The following NCLN variants were observed in gnomAD, a reference collection of about 807,000 sequenced individuals.
NCLN encodes BOS complex subunit NCLN.
Under a neutral mutation model 69.5 loss-of-function variants are expected in NCLN, and 34 were observed. That is an observed-to-expected ratio of 0.49 (90% CI 0.37 to 0.65). The LOEUF is 0.65. NCLN is among the 30% of genes least tolerant of loss of function. The probability of loss-of-function intolerance (pLI) is 0.00; values close to 1 mark genes in which losing one functional copy is unlikely to be tolerated. For synonymous variants in NCLN, 393 were observed against 358.3 expected (o/e 1.10, Z -1.09); for missense variants, 710 against 804.8 (o/e 0.88, Z 1.42).
intron 5 of NCLN, 24 bp downstream of exon 5, chr19:3,198,921 C>T (rs1268833938): frequency 2.8e-6 from 4 of 1,415,662 alleles, no homozygotes; most frequent in Non-Finnish European, 3.7e-6. Flanking sequence ...TCCCCATTCC[C>T]CCCACCCCAC....
At chr19:3,200,077 C>T (rs916604833) in intron 5 of NCLN, among the ~76,000 whole-genome samples, 5 of 151,944 alleles carry the variant, frequency 3.3e-5, no homozygotes, top group Admixed American at 3.3e-4. Context: ...TGGCTGAGTG[C>T]CCGACCCCTT....
In NCLN at chr19:3,206,280, C is replaced by G. The variant is rs368969267; in HGVS notation, c.1354C>G (p.Leu452Val). 2 of 1,547,446 alleles carry G rather than the reference C, an allele frequency of 1.3e-6. No homozygotes were observed. Among genetic ancestry groups the G allele is most frequent in the Non-Finnish European group, 1.7e-6 (2 of 1,146,610 alleles). ...TEQMQIQQEQ[L>V]DSVMDWLTNQ... ...CCTACAGCAGATCCAGCAGGAGCAG[C>G]TGGACTCGGTGATGGACTGGCTCAC... Residue 452 changes from leucine (L) to valine (V), a missense_variant, in exon 12 of 15, where the codon CTG (leucine) becomes GTG (valine). By Grantham distance (32) the Leu-to-Val change is conservative (BLOSUM62 1). Transcript: ENST00000246117.
chr19:3,186,788 G>T lies in NCLN; in HGVS notation c.184+574G>T, dbSNP rs549764931. The stretch of plus-strand genomic sequence containing the variant: ...TTTCTGCCAGGCTGAGCCACCCGAC[G>T]CGGTGGTCCAGCATTCCCCACCCCC... On this transcript the variant is annotated intron_variant, in intron 1 of 14. Transcript: ENST00000246117. Among the ~76,000 whole-genome samples the T allele has an allele frequency of 4.6e-5, 7 of 152,248 alleles. No individual in the cohort carries two copies. In the East Asian group the frequency reaches 5.8e-4, roughly 13 times the overall value.
rs1287084911 is a variant in NCLN, at chr19:3,205,222, T to C, written c.1208+471T>C. ...GTCTCTCTGCCATCATGTGAGCCCC[T>C]GGGCAGGCTTTTGTGGAGCCTGGAA... On this transcript the variant is annotated intron_variant, in intron 9 of 14. Transcript: ENST00000246117. This position sits in a 1 kb window ranked among gnomAD's most constrained non-coding sequence, Gnocchi z 4.6. Among the ~76,000 whole-genome samples, 1 of 152,158 alleles carries C rather than the reference T, an allele frequency of 6.6e-6. No homozygotes were observed. The highest frequency in any genetic ancestry group is 1.5e-5 in the Non-Finnish European group (1 of 68,016).
rs1217139356 is a variant in NCLN at position 3,209,553 on chromosome 19, A to G, written c.*1865A>G. On this transcript the variant is annotated 3_prime_UTR_variant, in exon 15 of 15. Coordinates refer to ENST00000246117, the MANE Select transcript of NCLN (RefSeq NM_020170.4). The stretch of plus-strand genomic sequence containing the variant: ...GGATGCAGCCGGCCGATGAGAAAAT[A>G]AAGCCATATTGAATGATCGCCACCA... 1.3e-5 allele frequency: 2 copies of G among 152,280 alleles called. No homozygotes were observed. The highest frequency in any genetic ancestry group is 2.9e-5 in the Non-Finnish European group (2 of 68,094). 9.4% of individuals were successfully genotyped at this position (152,280 alleles called of 1,614,324 possible). A position where few individuals can be genotyped will look rare whatever the true frequency, so the allele number is the denominator to read the frequency against.
At chr19:3,193,232 C>G in intron 2 of NCLN, 52 bp from the exon 3 acceptor site, 1 of 1,558,014 alleles carries the variant, frequency 6.4e-7, no homozygotes, top group Non-Finnish European at 8.7e-7. Flanking sequence ...CCCCTGCTAC[C>G]TTGCCACCCC....
In NCLN at chr19:3,206,170, C is replaced by T. The variant is rs866245919; in HGVS notation, c.1315C>T (p.Pro439Ser). The stretch of plus-strand genomic sequence containing the variant: ...TCCGCAGGGGACACCCCCAGACATG[C>T]CGGTGTTCACAGAGCAGATGGTAAG... ...LTEKGTPPDM[P>S]VFTEQMQIQQ... The change falls in exon 11 of 15, where the codon CCG (proline) becomes TCG (serine). Residue 439 changes from proline (P) to serine (S), a missense_variant. Transcript: ENST00000246117. 1 of 1,347,644 alleles carries T rather than the reference C, an allele frequency of 7.4e-7. No homozygotes were observed. The highest frequency in any genetic ancestry group is 9.8e-7 in the Non-Finnish European group (1 of 1,022,070). 83.5% of individuals were successfully genotyped at this position (1,347,644 alleles called of 1,614,324 possible). A position where few individuals can be genotyped will look rare whatever the true frequency, so the allele number is the denominator to read the frequency against.
intron 5 of NCLN, among the ~76,000 whole-genome samples, chr19:3,200,815 G>A (rs1418313443): frequency 6.6e-6 from 1 of 152,050 alleles, no homozygotes; most frequent in African/African-American, 2.4e-5. Context: ...CCGTCCCAGT[G>A]CCTGTGGACT....
In NCLN at chr19:3,204,760, GGCAGCACCTGC is replaced by G; in HGVS notation, c.1208+10_1208+20del. On this transcript the variant is annotated intron_variant, in intron 9 of 14. Transcript: ENST00000246117. ...AGCATCATGGACGTGCGGTGAGCGC[GGCAGCACCTGC>G]CCGGCCCCTCCTAGGGCTTTCCTGG... 6.8e-7 allele frequency: 1 copy of G among 1,478,692 alleles called. No individual in the cohort carries two copies. Among genetic ancestry groups the G allele is most frequent in the South Asian group, 1.4e-5 (1 of 73,480 alleles). 91.6% of individuals were successfully genotyped at this position (1,478,692 alleles called of 1,614,324 possible).
intron 6 of NCLN, among the ~76,000 whole-genome samples, chr19:3,201,869 T>G (rs913793163): frequency 1.3e-5 from 2 of 152,106 alleles, no homozygotes; most frequent in Non-Finnish European, 2.9e-5. Flanking sequence ...TGCTGTCAGC[T>G]GCAAGTGTTA....
rs953520855 is a variant in NCLN at position 3,185,967 on chromosome 19, G to T, written c.-64G>T. On this transcript the variant is annotated 5_prime_UTR_variant, in exon 1 of 15. Coordinates refer to ENST00000246117, the MANE Select transcript of NCLN (RefSeq NM_020170.4). ...GCTACCCATGCCGAGGTGAGTCCGC[G>T]GGAGCCGCCGCCGCCGCCGTCCCGT... 7.5e-7 allele frequency: 1 copy of T among 1,326,792 alleles called. No homozygotes were observed. Among genetic ancestry groups the T allele is most frequent in the African/African-American group, 1.6e-5 (1 of 64,076 alleles). 82.2% of individuals were successfully genotyped at this position (1,326,792 alleles called of 1,614,324 possible).
At chr19:3,197,226 G>T (rs1388971349) in intron 4 of NCLN, among the ~76,000 whole-genome samples, 2 of 152,212 alleles carry the variant, frequency 1.3e-5, no homozygotes, top group Non-Finnish European at 2.9e-5. Context: ...GCTGGGCTCC[G>T]CATCCCATGG....
intron 3 of NCLN, among the ~76,000 whole-genome samples, chr19:3,193,925 T>C (rs540975771): frequency 6.6e-5 from 10 of 152,030 alleles, no homozygotes; most frequent in African/African-American, 2.2e-4. Context: ...GTGGGACCTG[T>C]GGTGGGGAAA....
At chr19:3,203,880 T>C in intron 7 of NCLN, 36 bp downstream of exon 7, 1 of 1,602,914 alleles carries the variant, frequency 6.2e-7, no homozygotes, top group Non-Finnish European at 8.5e-7. Context: ...GGTGCCGCGG[T>C]GGTGGTGCCG....
At chr19:3,199,922 G>A (rs1003153017) in intron 5 of NCLN, among the ~76,000 whole-genome samples, 1 of 151,792 alleles carries the variant, frequency 6.6e-6, no homozygotes, top group Non-Finnish European at 1.5e-5. Flanking sequence ...GGATGGTCTC[G>A]ATCTCCTGAC....
Position 3,204,704 on chromosome 19 carries a change from C to A in NCLN, c.1161C>A (p.His387Gln). The change falls in exon 9 of 15, where the codon CAC becomes CAA. Residue 387 changes from histidine (H) to glutamine (Q), a missense_variant. By Grantham distance (24) the His-to-Gln change is conservative. Transcript: ENST00000246117. Reference sequence around the variant, plus strand: ...GACTGCCCGCCTTCACGCTGTCCCACCTGGAGAGCCACCGTGACGGCCAGC... The same window carrying A: ...GACTGCCCGCCTTCACGCTGTCCCAACTGGAGAGCCACCGTGACGGCCAGC... ...IRRLPAFTLS[H>Q]LESHRDGQRS... 6.3e-7 allele frequency: 1 copy of A among 1,594,978 alleles called. No homozygotes were observed. The highest frequency in any genetic ancestry group is 1.3e-5 in the African/African-American group (1 of 74,482).
chr19:3,199,460 C>T (rs551610589), intron 5 of NCLN, among the ~76,000 whole-genome samples: 1 of 152,186 alleles, frequency 6.6e-6, no homozygotes, highest in Admixed American at 6.5e-5. Flanking sequence ...GCTGCCTGGC[C>T]CATGCCGGGA....
chr19:3,201,682 C>T (rs903582252), intron 6 of NCLN, 56 bp downstream of exon 6: 16 of 1,319,632 alleles, frequency 1.2e-5, no homozygotes, highest in African/African-American at 8.8e-5. Flanking sequence ...TGCCGGACAG[C>T]GCTGCCCACC....
rs1325583400 is a variant in NCLN at position 3,205,273 on chromosome 19, C to G, written c.1208+522C>G. ...CTGTCTGGCCACCCCAGGCACACTC[C>G]TGGCCAGTCCTGGCACCAGCAGGTG... On this transcript the variant is annotated intron_variant, in intron 9 of 14. Transcript: ENST00000246117. This position sits in a 1 kb window ranked among gnomAD's most constrained non-coding sequence, Gnocchi z 4.6. Among the ~76,000 whole-genome samples, 2 of 152,228 alleles carry G rather than the reference C, an allele frequency of 1.3e-5. No homozygotes were observed. The highest frequency in any genetic ancestry group is 2.9e-5 in the Non-Finnish European group (2 of 68,028).
Sources: gnomAD v4.1 joint callset for allele counts (sites outside exome capture counted in the v4.1 genomes callset) on GRCh38, gnomAD v4.1.1 for gene constraint, Gnocchi (gnomAD v3.1) non-coding constraint, MANE v1.5 for transcripts, NCBI Gene and HGNC (gene_info 2026-07-23, HGNC 2026-07-21) for gene names.